The following ADGRG2 variants were observed in gnomAD, a reference collection of about 807,000 sequenced individuals.
The protein encoded by ADGRG2 is G protein-coupled receptor 64.
Under a neutral mutation model 74.1 loss-of-function variants are expected in ADGRG2, and 26 were observed. That is an observed-to-expected ratio of 0.35 (90% CI 0.26 to 0.49). The LOEUF is 0.49. Among genes scored for constraint, ADGRG2 ranks in the 20% least tolerant of loss-of-function variants. The probability of loss-of-function intolerance (pLI) is 0.99; values close to 1 mark genes in which losing one functional copy is unlikely to be tolerated. For synonymous variants in ADGRG2, 296 were observed against 295.2 expected (o/e 1.00, Z -0.03); for missense variants, 619 against 763.1 (o/e 0.81, Z 2.22).
At chrX:19,017,567 C>T (rs968296143) in intron 15 of ADGRG2, among the ~76,000 whole-genome samples, 2 of 112,216 alleles carry the variant, frequency 1.8e-5, no homozygotes, top group African/African-American at 6.5e-5. Flanking sequence ...GGGCTCAATG[C>T]TCCAGCTTAA....
chrX:19,004,612 A>C, intron 23 of ADGRG2, 146 bp downstream of exon 23: 1 of 528,178 alleles, frequency 1.9e-6, no homozygotes, highest in Non-Finnish European at 3.1e-6. Context: ...ATATAAACCA[A>C]CAAGTCCCAT....
intron 7 of ADGRG2, chrX:19,034,475 A>T (rs757185334): frequency 9.0e-6 from 1 of 111,637 alleles, no homozygotes; most frequent in Admixed American, 9.5e-5. Flanking sequence ...GGCCAAGCTC[A>T]GAGATTGGAA....
At chrX:19,025,109 C>T (rs67398290) in intron 11 of ADGRG2, among the ~76,000 whole-genome samples, 5,038 of 111,754 alleles carry the variant, frequency 0.045, 115 homozygotes, top group Middle Eastern at 0.069. Context: ...TTCCCCTATC[C>T]CTCCGCTGCA....
chrX:19,010,585 A>G (rs1241596458), intron 17 of ADGRG2, 28 bp downstream of exon 17: 1 of 1,174,499 alleles, frequency 8.5e-7, no homozygotes, highest in Non-Finnish European at 1.2e-6. Context: ...GTCCCCTCTT[A>G]CCACCACTTC....
intron 3 of ADGRG2, among the ~76,000 whole-genome samples, chrX:19,047,673 G>A (rs555144280): frequency 6.1e-4 from 68 of 111,363 alleles, no homozygotes; most frequent in Middle Eastern, 9.3e-3. Flanking sequence ...TTGAATTACT[G>A]TTCCATAGAG....
chrX:19,022,607 G>T (rs779873788), intron 13 of ADGRG2, among the ~76,000 whole-genome samples: 1 of 112,128 alleles, frequency 8.9e-6, no homozygotes, highest in East Asian at 2.8e-4. Context: ...AATTCAAAAT[G>T]ATAATCTGTG....
At chrX:19,069,658 A>T (rs2061621611) in intron 2 of ADGRG2, among the ~76,000 whole-genome samples, 1 of 111,189 alleles carries the variant, frequency 9.0e-6, no homozygotes, top group Non-Finnish European at 1.9e-5. Flanking sequence ...CGGACCTTGG[A>T]GAGGAGCAGC....
intron 12 of ADGRG2, 60 bp downstream of exon 12, chrX:19,023,849 A>G (rs2060643889): frequency 6.3e-6 from 5 of 797,665 alleles, no homozygotes; most frequent in Non-Finnish European, 9.6e-6. Flanking sequence ...GCAGAACCCT[A>G]TGCTTTCCCC....
chrX:19,114,054 G>A (rs1382710050), intron 1 of ADGRG2, among the ~76,000 whole-genome samples: 5 of 100,498 alleles, frequency 5.0e-5, no homozygotes, highest in African/African-American at 7.5e-5. Context: ...CCTGGGCGAC[G>A]GGGCAAGAAT....
At chrX:19,110,227 A>C (rs778389121) in intron 1 of ADGRG2, among the ~76,000 whole-genome samples, 2 of 111,741 alleles carry the variant, frequency 1.8e-5, no homozygotes, top group African/African-American at 6.5e-5. Context: ...GAGAACAATA[A>C]ATGTACAAAT....
chrX:19,034,407 G>A (rs1271262773), intron 7 of ADGRG2: 1 of 111,932 alleles, frequency 8.9e-6, no homozygotes, highest in Non-Finnish European at 1.9e-5. Flanking sequence ...TGTGTTCAGG[G>A]CATAGATTTT....
intron 3 of ADGRG2, among the ~76,000 whole-genome samples, chrX:19,052,909 A>C (rs2061347721): frequency 9.0e-6 from 1 of 110,968 alleles, no homozygotes; most frequent in Admixed American, 9.6e-5. Flanking sequence ...TGGCCAGGCT[A>C]GTTTCGAACT....
At chrX:19,017,004 C>T (rs1224519534) in intron 15 of ADGRG2, among the ~76,000 whole-genome samples, 1 of 111,433 alleles carries the variant, frequency 9.0e-6, no homozygotes, top group African/African-American at 3.3e-5. Flanking sequence ...GCTGAGATTA[C>T]AGGCGTGAGC....
chrX:19,058,713 C>G (rs1191793945), intron 3 of ADGRG2, among the ~76,000 whole-genome samples: 2 of 112,426 alleles, frequency 1.8e-5, no homozygotes, highest in Non-Finnish European at 3.8e-5. Flanking sequence ...ATGTTAAAGA[C>G]TAACACACAT....
chrX:19,023,428 G>T lies in ADGRG2; in HGVS notation c.536C>A (p.Ala179Glu). 9.0e-7 allele frequency: 1 copy of T among 1,107,831 alleles called. No homozygotes were observed. The highest frequency in any genetic ancestry group is 1.8e-5 in the African/African-American group (1 of 55,061). 91.3% of individuals were successfully genotyped at this position (1,107,831 alleles called of 1,213,427 possible). A position where few individuals can be genotyped will look rare whatever the true frequency, so the allele number is the denominator to read the frequency against. ...AAAAATGACTGACCTTTGGGCCTCT[G>T]CTGTAGCACACATTATAAAGTAAGT... Reference protein sequence around the residue: ...SETYFIMCATAEAQSTLNCTF... With the variant: ...SETYFIMCATEEAQSTLNCTF... Residue 179 changes from alanine (A) to glutamate (E), a missense_variant, in exon 13 of 29, where the codon GCA (alanine) becomes GAA (glutamate). Ala to Glu is a moderately radical substitution (Grantham distance 107). Transcript: ENST00000379869.
intron 1 of ADGRG2, among the ~76,000 whole-genome samples, chrX:19,120,798 A>T (rs1450922701): frequency 1.8e-5 from 2 of 112,613 alleles, no homozygotes; most frequent in African/African-American, 6.5e-5. Context: ...TTGGCTAGAA[A>T]GTTGGTAAGA....
intron 28 of ADGRG2, among the ~76,000 whole-genome samples, chrX:18,994,436 G>T (rs1210232698): frequency 9.1e-6 from 1 of 110,477 alleles, no homozygotes; most frequent in Non-Finnish European, 1.9e-5. Context: ...GGTGGAGGTT[G>T]CAGTGAGCTG....
In ADGRG2 at chrX:19,015,221, C is replaced by T. The variant is rs753938155; in HGVS notation, c.711-1147G>A. Among the ~76,000 whole-genome samples, 3 of 111,826 alleles carry T rather than the reference C, an allele frequency of 2.7e-5. No homozygotes were observed. In the Admixed American group the frequency reaches 2.9e-4, roughly 11 times the overall value. On this transcript the variant is annotated intron_variant, in intron 15 of 28. Transcript: ENST00000379869. ...GTCAGATGGAGACTTAGAACACCAA[C>T]AAGAATGTGTTCTTAGAGCTTCTCT...
intron 3 of ADGRG2, among the ~76,000 whole-genome samples, chrX:19,060,699 C>G (rs761528867): frequency 1.8e-5 from 2 of 110,409 alleles, no homozygotes; most frequent in South Asian, 3.9e-4. Flanking sequence ...AGGTGCCCAC[C>G]ACCACACTCG....
Sources: allele counts gnomAD v4.1 joint callset (sites outside exome capture counted in the v4.1 genomes callset), GRCh38; gene constraint gnomAD v4.1.1; transcripts MANE v1.5; gene names NCBI Gene and HGNC (gene_info 2026-07-23, HGNC 2026-07-21).